The following MACROD2 variants were observed in gnomAD, a reference collection of about 807,000 sequenced individuals.
The protein encoded by MACROD2 is mono-ADP ribosylhydrolase 2.
In MACROD2, 36 loss-of-function variants were observed where a neutral mutation model predicts 70.4. That is an observed-to-expected ratio of 0.51 (90% CI 0.39 to 0.68). MACROD2 has a LOEUF of 0.68. Ranked by LOEUF, MACROD2 falls within the 30% of genes least tolerant of loss-of-function variation. MACROD2 has a pLI of 0.00. For missense variants in MACROD2, 496 were observed against 538.4 expected, an observed-to-expected ratio of 0.92 and a Z score of 0.78; for synonymous variants, 172 against 178.8, an observed-to-expected ratio of 0.96 and a Z score of 0.30.
intron 10 of MACROD2, chr20:15,892,830 G>A (rs1015613392): frequency 7.6e-6 from 3 of 395,802 alleles, no homozygotes; most frequent in African/African-American, 6.2e-5. Flanking sequence ...CAGCGTGTGT[G>A]TAGGTTTACT....
At chr20:14,615,938 G>A (rs997774341) in intron 4 of MACROD2, among the ~76,000 whole-genome samples, 9 of 152,124 alleles carry the variant, frequency 5.9e-5, no homozygotes, top group African/African-American at 2.2e-4. Context: ...GTAAGGTGGT[G>A]TGAGTGGTCA....
intron 3 of MACROD2, among the ~76,000 whole-genome samples, chr20:14,411,750 A>G (rs1436970527): frequency 6.6e-6 from 1 of 151,980 alleles, no homozygotes; most frequent in Non-Finnish European, 1.5e-5. Flanking sequence ...GCCCCCTACC[A>G]GCACCTCCCT....
intron 5 of MACROD2, among the ~76,000 whole-genome samples, chr20:14,814,866 A>G (rs925711894): frequency 6.6e-6 from 1 of 152,058 alleles, no homozygotes; most frequent in Non-Finnish European, 1.5e-5. Context: ...GGAAGCTATC[A>G]GCTCTTAAGA....
intron 8 of MACROD2, among the ~76,000 whole-genome samples, chr20:15,817,942 G>A (rs748332130): frequency 6.6e-6 from 1 of 152,052 alleles, no homozygotes; most frequent in Admixed American, 6.6e-5. Context: ...ACCACTTCTT[G>A]TTCCCCCAAA....
intron 3 of MACROD2, among the ~76,000 whole-genome samples, chr20:14,456,817 C>T (rs1366399361): frequency 6.7e-6 from 1 of 148,304 alleles, no homozygotes; most frequent in Admixed American, 6.8e-5. Context: ...CCCGGGTTCA[C>T]GCCATTTTCC....
intron 8 of MACROD2, among the ~76,000 whole-genome samples, chr20:15,764,537 A>G (rs558956261): frequency 2.6e-5 from 4 of 151,940 alleles, no homozygotes; most frequent in Non-Finnish European, 5.9e-5. Context: ...AAGCCTAGGG[A>G]TTGTTCTTGA....
At chr20:16,008,026 A>T (rs1024573120) in intron 15 of MACROD2, among the ~76,000 whole-genome samples, 1 of 152,204 alleles carries the variant, frequency 6.6e-6, no homozygotes, top group Non-Finnish European at 1.5e-5. Flanking sequence ...AGGGACATGC[A>T]CGATGGGGAG....
intron 5 of MACROD2, among the ~76,000 whole-genome samples, chr20:14,860,911 T>A (rs1385426772): frequency 1.3e-5 from 2 of 152,032 alleles, no homozygotes; most frequent in Admixed American, 1.3e-4. Context: ...ATCTAAGGAC[T>A]GAATTAGATG....
chr20:15,073,521 T>G (rs1022114878), intron 5 of MACROD2, among the ~76,000 whole-genome samples: 1 of 150,790 alleles, frequency 6.6e-6, no homozygotes, highest in African/African-American at 2.4e-5. Flanking sequence ...GTACCACATT[T>G]CTTTTCAGTA....
At chr20:15,801,583 A>G (rs2063727295) in intron 8 of MACROD2, among the ~76,000 whole-genome samples, 2 of 151,894 alleles carry the variant, frequency 1.3e-5, no homozygotes, top group African/African-American at 2.4e-5. Flanking sequence ...TACCAGTACC[A>G]TGGTGTTTGG....
At chr20:14,059,570 A>G (rs543111623) in intron 2 of MACROD2, among the ~76,000 whole-genome samples, 7 of 152,282 alleles carry the variant, frequency 4.6e-5, no homozygotes, top group East Asian at 3.9e-4. Flanking sequence ...TGAAGCAGCA[A>G]TATATAAGCT....
chr20:15,325,415 G>A (rs2077918259), intron 6 of MACROD2, among the ~76,000 whole-genome samples: 2 of 152,138 alleles, frequency 1.3e-5, no homozygotes, highest in Admixed American at 6.6e-5. Flanking sequence ...TCCCCATCAT[G>A]TTAAATCCTT....
chr20:14,101,875 C>G (rs1406116245), intron 3 of MACROD2, among the ~76,000 whole-genome samples: 1 of 151,120 alleles, frequency 6.6e-6, no homozygotes, highest in South Asian at 2.1e-4. Flanking sequence ...ATCAATTTCT[C>G]TGCATGATTT....
At chr20:15,628,134 C>T (rs1269178440) in intron 8 of MACROD2, among the ~76,000 whole-genome samples, 1 of 152,126 alleles carries the variant, frequency 6.6e-6, no homozygotes, top group African/African-American at 2.4e-5. Flanking sequence ...GGGAAATAAC[C>T]TACAGGGCTG....
chr20:14,041,341 G>A (rs552840520), intron 2 of MACROD2, among the ~76,000 whole-genome samples: 1 of 152,188 alleles, frequency 6.6e-6, no homozygotes, highest in East Asian at 1.9e-4. Flanking sequence ...GATAGTAAAT[G>A]TTTGAGGCTC....
chr20:14,360,081 G>A (rs1022245852), intron 3 of MACROD2, among the ~76,000 whole-genome samples: 1 of 151,362 alleles, frequency 6.6e-6, no homozygotes, highest in Admixed American at 6.6e-5. Context: ...AAGTAGAATT[G>A]TGGTTACCGG....
At chr20:14,515,016 C>T (rs186416185) in intron 4 of MACROD2, among the ~76,000 whole-genome samples, 1 of 152,070 alleles carries the variant, frequency 6.6e-6, no homozygotes, top group African/African-American at 2.4e-5. Context: ...AATAGAGGAA[C>T]TGGAAGAGAA....
At chr20:15,902,125 G>A (rs2065072862) in intron 10 of MACROD2, among the ~76,000 whole-genome samples, 1 of 152,166 alleles carries the variant, frequency 6.6e-6, no homozygotes, top group African/African-American at 2.4e-5. Context: ...GTCCTCTATA[G>A]TTGTGCAAAA....
chr20:14,149,905 G>C (rs1188585113), intron 3 of MACROD2, among the ~76,000 whole-genome samples: 1 of 151,798 alleles, frequency 6.6e-6, no homozygotes, highest in Non-Finnish European at 1.5e-5. Flanking sequence ...TTTTTTCCCA[G>C]ACAAATCCTA....
Sources: allele counts gnomAD v4.1 joint callset (sites outside exome capture counted in the v4.1 genomes callset), GRCh38; gene constraint gnomAD v4.1.1; transcripts MANE v1.5; gene names NCBI Gene and HGNC (gene_info 2026-07-23, HGNC 2026-07-21).